The following PALLD variants were observed in gnomAD, a reference collection of about 807,000 sequenced individuals.
PALLD encodes palladin.
Under a neutral mutation model 123.5 loss-of-function variants are expected in PALLD, and 61 were observed. The observed-to-expected ratio is 0.49, with a 90% CI of 0.40 to 0.61. PALLD has a LOEUF of 0.61. Ranked by LOEUF, PALLD falls within the 20% of genes least tolerant of loss-of-function variation. PALLD has a pLI of 0.00. For missense variants in PALLD, 1,273 were observed against 1,377.0 expected (o/e 0.92, Z 1.20); for synonymous variants, 465 against 496.4 (o/e 0.94, Z 0.84).
chr4:168,857,050 G>T (rs1748707285), intron 10 of PALLD, among the ~76,000 whole-genome samples: 1 of 152,220 alleles, frequency 6.6e-6, no homozygotes, highest in Non-Finnish European at 1.5e-5. Context: ...AAGAGATTTA[G>T]AAGTATAAAC....
chr4:168,517,992 G>A (rs1763150638), intron 2 of PALLD, among the ~76,000 whole-genome samples: 1 of 151,304 alleles, frequency 6.6e-6, no homozygotes, highest in African/African-American at 2.4e-5. Context: ...CCACTATATC[G>A]ATGTCTGATA....
intron 2 of PALLD, among the ~76,000 whole-genome samples, chr4:168,643,132 G>T (rs994470306): frequency 6.6e-6 from 1 of 152,174 alleles, no homozygotes; most frequent in Admixed American, 6.5e-5. Flanking sequence ...TGGATGACTT[G>T]TTAAAGGATC....
chr4:168,744,106 G>A (rs1432594927), intron 10 of PALLD, among the ~76,000 whole-genome samples: 1 of 152,124 alleles, frequency 6.6e-6, no homozygotes, highest in Non-Finnish European at 1.5e-5. Context: ...AAAGCTCTCA[G>A]CCCAGAGGAC....
rs569528489 is a variant in PALLD, at chr4:168,664,934, C to G, written c.909-3256C>G. Among the ~76,000 whole-genome samples the G allele has an allele frequency of 8.5e-5, 13 of 152,294 alleles. No homozygotes were observed. In the South Asian group the frequency reaches 2.7e-3, roughly 32 times the overall value. On this transcript the variant is annotated intron_variant, in intron 2 of 21. Coordinates refer to ENST00000505667, the MANE Select transcript of PALLD (RefSeq NM_001166108.2). ...GCAATGGCAGAGCAAAGAGGCTCAACTGTGACTTTAGGAAAGTCATTGAGC... is the reference window on the plus strand; with the variant it reads ...GCAATGGCAGAGCAAAGAGGCTCAAGTGTGACTTTAGGAAAGTCATTGAGC...
chr4:168,819,898 G>A (rs923554620), intron 10 of PALLD, among the ~76,000 whole-genome samples: 2 of 152,306 alleles, frequency 1.3e-5, no homozygotes, highest in Middle Eastern at 3.4e-3. Context: ...CACAGGACTC[G>A]AAGTGAATCG....
chr4:168,913,779 T>C lies in PALLD; in HGVS notation c.2623-148T>C, dbSNP rs1016449011. On this transcript the variant is annotated intron_variant, in intron 15 of 21. Transcript: ENST00000505667. ...GGCACTTAACTCACAGGGAAAGTGT[T>C]TTTCTGAAAAGGGTTAGTCATTACT... is the stretch of plus-strand genomic sequence containing the variant. The C allele has an allele frequency of 3.1e-5, 20 of 654,470 alleles. No individual in the cohort carries two copies. In the African/African-American group the frequency reaches 3.6e-4, roughly 12 times the overall value. The allele number at this position is 654,470 out of a possible 1,614,324, so 40.5% of individuals were successfully genotyped here. A position where few individuals can be genotyped will look rare whatever the true frequency, so the allele number is the denominator to read the frequency against.
At chr4:168,535,912 G>A (rs777547923) in intron 2 of PALLD, among the ~76,000 whole-genome samples, 2 of 152,072 alleles carry the variant, frequency 1.3e-5, no homozygotes, top group East Asian at 1.9e-4. Flanking sequence ...TTACATCATC[G>A]CATTAATAAT....
At chr4:168,766,526 G>A (rs1483862927) in intron 10 of PALLD, among the ~76,000 whole-genome samples, 7 of 152,212 alleles carry the variant, frequency 4.6e-5, no homozygotes, top group African/African-American at 1.7e-4. Flanking sequence ...ACCCAAGGCA[G>A]GCGGTTGTCC....
At chr4:168,553,587 A>C (rs1766966172) in intron 2 of PALLD, among the ~76,000 whole-genome samples, 2 of 152,194 alleles carry the variant, frequency 1.3e-5, no homozygotes, top group African/African-American at 4.8e-5. Flanking sequence ...CTGTCAGAAA[A>C]AGAAGGCTGG....
Position 168,697,638 on chromosome 4 carries a change from C to A in PALLD, c.1501+6346C>A, listed in dbSNP as rs146912398. Among the ~76,000 whole-genome samples the A allele has an allele frequency of 5.3e-3, 810 of 152,304 alleles. 9 individuals carry two copies. The highest frequency in any genetic ancestry group is 0.018 in the African/African-American group (759 of 41,568). On this transcript the variant is annotated intron_variant, in intron 8 of 21. Coordinates refer to ENST00000505667, the MANE Select transcript of PALLD (RefSeq NM_001166108.2). ...CAGCTGGGAACACTCATCTTACCCC[C>A]ACAGAAGCGTTCTGCTTTGGTCAGT...
chr4:168,735,084 C>A (rs920172460), intron 10 of PALLD, among the ~76,000 whole-genome samples: 4 of 152,174 alleles, frequency 2.6e-5, no homozygotes, highest in Non-Finnish European at 5.9e-5. Context: ...AAAGATTGAG[C>A]CTGTTATTCA....
At chr4:168,865,771 A>G (rs548219290) in intron 10 of PALLD, among the ~76,000 whole-genome samples, 3 of 27,044 alleles carry the variant, frequency 1.1e-4, no homozygotes, top group Non-Finnish European at 1.8e-4. Context: ...TGAAAGACTA[A>G]AGAATGAATT....
At chr4:168,729,909 T>A (rs1459783829) in intron 10 of PALLD, among the ~76,000 whole-genome samples, 1 of 152,128 alleles carries the variant, frequency 6.6e-6, no homozygotes, top group Non-Finnish European at 1.5e-5. Context: ...GTTCCTAGAG[T>A]TACTGTAGCA....
intron 10 of PALLD, among the ~76,000 whole-genome samples, chr4:168,853,406 C>T (rs115511118): frequency 0.011 from 1,665 of 152,226 alleles, 40 homozygotes; most frequent in African/African-American, 0.038. Flanking sequence ...AGAAAAGACC[C>T]TCAAGGGCCT....
At chr4:168,638,563 A>G (rs1776578084) in intron 2 of PALLD, among the ~76,000 whole-genome samples, 2 of 152,234 alleles carry the variant, frequency 1.3e-5, no homozygotes, top group East Asian at 3.9e-4. Flanking sequence ...TGGATACATT[A>G]TAAACAACAG....
At chr4:168,883,919 T>G (rs1464382497) in intron 10 of PALLD, among the ~76,000 whole-genome samples, 1 of 139,510 alleles carries the variant, frequency 7.2e-6, no homozygotes. Flanking sequence ...TTGAATACTA[T>G]TTTATTTTTT....
chr4:168,672,396 C>T (rs1780369136), intron 3 of PALLD, among the ~76,000 whole-genome samples: 1 of 151,874 alleles, frequency 6.6e-6, no homozygotes, highest in Non-Finnish European at 1.5e-5. Flanking sequence ...TCTTCCCATT[C>T]CCCCCTTCTC....
In PALLD at chr4:168,670,739, CA is replaced by C. The variant is rs752284669; in HGVS notation, c.1087+2378del. ...TGGGCGACAGAGCGAGACTCCGTCT[CA>C]AAAAAACAAAAAAAACAAAAAAAAC... On this transcript the variant is annotated intron_variant, in intron 3 of 21. Transcript: ENST00000505667. Among the ~76,000 whole-genome samples, 6 of 45,070 alleles carry C rather than the reference CA, an allele frequency of 1.3e-4. No homozygotes were observed. The South Asian group carries it at 2.2e-3, about 16-fold the overall frequency. 29.6% of individuals were successfully genotyped at this position (45,070 alleles called of 152,430 possible).
intron 3 of PALLD, among the ~76,000 whole-genome samples, chr4:168,675,616 A>G (rs1780756489): frequency 6.6e-6 from 1 of 152,208 alleles, no homozygotes; most frequent in Non-Finnish European, 1.5e-5. Flanking sequence ...TGGTTTCTTC[A>G]TCTGGAGAAA....
Sources: gnomAD v4.1 joint callset for allele counts (sites outside exome capture counted in the v4.1 genomes callset) on GRCh38, gnomAD v4.1.1 for gene constraint, MANE v1.5 for transcripts, NCBI Gene and HGNC (gene_info 2026-07-23, HGNC 2026-07-21) for gene names.